Variants in PTPRJ observed in about 807,000 individuals in gnomAD.
PTPRJ encodes the protein receptor-type tyrosine-protein phosphatase eta.
PTPRJ carries 129 observed loss-of-function variants against 141.3 expected under a neutral mutation model. That is an observed-to-expected ratio of 0.91 (90% CI 0.79 to 1.06). The LOEUF (loss-of-function observed/expected upper bound fraction) is 1.06, where lower values mean the gene tolerates loss of function less well. PTPRJ is among the 50% of genes least tolerant of loss of function. PTPRJ has a pLI of 0.00. For missense variants in PTPRJ, 1,601 were observed against 1,679.7 expected (o/e 0.95, Z 0.82); for synonymous variants, 610 against 640.5 (o/e 0.95, Z 0.72).
chr11:48,123,576 T>G (rs1444683928), intron 4 of PTPRJ, 37 bp from the exon 5 acceptor site: 1 of 1,598,066 alleles, frequency 6.3e-7, no homozygotes, highest in East Asian at 2.2e-5. Context: ...ACTGCATATA[T>G]CTTGTTCCAT....
At chr11:48,077,586 C>T (rs1014492096) in intron 1 of PTPRJ, among the ~76,000 whole-genome samples, 8 of 152,174 alleles carry the variant, frequency 5.3e-5, no homozygotes, top group African/African-American at 7.2e-5. Context: ...CCTTACGGAG[C>T]GTGCTACAGT....
rs116497167 is a variant in PTPRJ, at chr11:48,051,689, G to A, written c.97-58369G>A. Among the ~76,000 whole-genome samples the A allele has an allele frequency of 2.7e-3, 418 of 152,226 alleles. 2 individuals are homozygous for A. The highest frequency in any genetic ancestry group is 1.0e-2 in the African/African-American group (415 of 41,534). ...TCTTCACATCAGCCCTGTGGGCTTG[G>A]GAGTGAGACCTCTACCTAGTTTTTA... On this transcript the variant is annotated intron_variant, in intron 1 of 24. Coordinates refer to ENST00000418331, the MANE Select transcript of PTPRJ (RefSeq NM_002843.4).
intron 1 of PTPRJ, among the ~76,000 whole-genome samples, chr11:48,025,136 G>A (rs773430768): frequency 6.6e-5 from 10 of 152,110 alleles, no homozygotes; most frequent in African/African-American, 1.2e-4. Flanking sequence ...GGAATCTAGG[G>A]GGGGCATACA....
At chr11:48,094,785 A>AT (rs1332890936) in intron 1 of PTPRJ, among the ~76,000 whole-genome samples, 1 of 152,086 alleles carries the variant, frequency 6.6e-6, no homozygotes, top group Non-Finnish European at 1.5e-5. Context: ...CAAACGTTAG[A>AT]TTTTGGATTA....
intron 1 of PTPRJ, among the ~76,000 whole-genome samples, chr11:48,069,511 G>T (rs1278947059): frequency 1.4e-5 from 2 of 143,850 alleles, no homozygotes; most frequent in Non-Finnish European, 3.0e-5. Context: ...GTGCAATGGC[G>T]CAATCTTGGC....
At chr11:48,122,298 G>T (rs1307261300) in intron 4 of PTPRJ, among the ~76,000 whole-genome samples, 1 of 152,128 alleles carries the variant, frequency 6.6e-6, no homozygotes, top group East Asian at 1.9e-4. Flanking sequence ...CATAGAACTT[G>T]GAAATGGTCA....
intron 1 of PTPRJ, among the ~76,000 whole-genome samples, chr11:48,006,008 G>C (rs1031803715): frequency 9.2e-5 from 14 of 152,240 alleles, no homozygotes; most frequent in Non-Finnish European, 1.8e-4. Context: ...GCTGGGAGGG[G>C]CCCAGAGGCT....
intron 16 of PTPRJ, chr11:48,149,771 C>A (rs1176658746): frequency 3.6e-6 from 2 of 559,560 alleles, no homozygotes; most frequent in Non-Finnish European, 6.3e-6. Context: ...GAGAGAAGAA[C>A]TTACTTAAAG....
At chr11:48,151,460 C>CT (rs796750214) in intron 18 of PTPRJ, among the ~76,000 whole-genome samples, 40 of 144,334 alleles carry the variant, frequency 2.8e-4, no homozygotes, top group Admixed American at 5.6e-4. Flanking sequence ...TGTAAAGAGC[C>CT]TTTTTTTTTT....
intron 1 of PTPRJ, among the ~76,000 whole-genome samples, chr11:48,010,115 G>A (rs374196287): frequency 3.3e-5 from 5 of 152,180 alleles, no homozygotes; most frequent in African/African-American, 1.2e-4. Context: ...CTAAATAGAC[G>A]GGGTTCTCCA....
At chr11:48,150,890 T>C (rs1403344120) in intron 18 of PTPRJ, among the ~76,000 whole-genome samples, 1 of 152,246 alleles carries the variant, frequency 6.6e-6, no homozygotes, top group Non-Finnish European at 1.5e-5. Context: ...CACATGCTGC[T>C]TCCTCCATGG....
At chr11:48,021,306 G>A (rs1191088355) in intron 1 of PTPRJ, among the ~76,000 whole-genome samples, 1 of 151,734 alleles carries the variant, frequency 6.6e-6, no homozygotes, top group Non-Finnish European at 1.5e-5. Context: ...CCCAGGAGGC[G>A]GAGGTTGCAG....
rs561120407 is a variant in PTPRJ at position 48,038,553 on chromosome 11, A to G, written c.96+57545A>G. 1.3e-3 allele frequency among the ~76,000 whole-genome samples: 191 copies of G among 151,816 alleles called. 1 individual carries two copies. The highest frequency in any genetic ancestry group is 6.8e-3 in the Middle Eastern group (2 of 294). ...GTCACCCAGGCTGGAGTGCAGTGGC[A>G]TGATCTCAGCTCACTGCAACCTCCG... On this transcript the variant is annotated intron_variant, in intron 1 of 24. Transcript: ENST00000418331.
chr11:48,144,927 T>C, intron 13 of PTPRJ, 42 bp downstream of exon 13: 8 of 1,613,890 alleles, frequency 5.0e-6, no homozygotes, highest in Non-Finnish European at 6.8e-6. Context: ...CTGAGCCTCA[T>C]GAGCATAAAG....
chr11:48,147,863 T>C (rs1857387916), intron 15 of PTPRJ, among the ~76,000 whole-genome samples: 1 of 152,048 alleles, frequency 6.6e-6, no homozygotes, highest in Non-Finnish European at 1.5e-5. Context: ...TTTTTTTTTT[T>C]TGAGATGGAG....
intron 3 of PTPRJ, among the ~76,000 whole-genome samples, chr11:48,117,571 A>AAAAAAAAAAAC (rs1350508410): frequency 8.1e-6 from 1 of 123,484 alleles, no homozygotes; most frequent in Non-Finnish European, 1.8e-5. Flanking sequence ...AAAAAAAAAA[A>AAAAAAAAAAAC]AAAAGCAAGC....
intron 1 of PTPRJ, among the ~76,000 whole-genome samples, chr11:48,107,701 C>G (rs762554575): frequency 6.6e-6 from 1 of 152,210 alleles, no homozygotes; most frequent in African/African-American, 2.4e-5. Flanking sequence ...TCTTGTGCCT[C>G]CTCTCTGGCT....
intron 9 of PTPRJ, 60 bp downstream of exon 9, chr11:48,136,356 C>T (rs879638198): frequency 3.2e-6 from 5 of 1,567,192 alleles, no homozygotes; most frequent in Admixed American, 1.7e-5. Context: ...TTGGAGGAGG[C>T]ACTGGTTAAA....
At chr11:48,137,343 G>A (rs1007182260) in intron 10 of PTPRJ, 62 bp downstream of exon 10, 2 of 1,522,342 alleles carry the variant, frequency 1.3e-6, no homozygotes, top group Non-Finnish European at 8.9e-7. Context: ...TTGCAGGTCA[G>A]TCCTCCCAAG....
Sources: gnomAD v4.1 joint callset for allele counts (sites outside exome capture counted in the v4.1 genomes callset) on GRCh38, gnomAD v4.1.1 for gene constraint, MANE v1.5 for transcripts, NCBI Gene and HGNC (gene_info 2026-07-23, HGNC 2026-07-21) for gene names.